Variants in GLG1 observed in about 807,000 individuals in gnomAD.
The protein encoded by GLG1 is golgi glycoprotein 1.
A neutral mutation model predicts 160.5 loss-of-function variants in GLG1; 38 were observed. The observed-to-expected ratio is 0.24, with a 90% confidence interval of 0.18 to 0.31. The LOEUF (loss-of-function observed/expected upper bound fraction) is 0.31, where lower values mean the gene tolerates loss of function less well. Among genes scored for constraint, GLG1 ranks in the 10% least tolerant of loss-of-function variants. GLG1 has a pLI of 1.00. For missense variants in GLG1, 1,373 were observed against 1,505.2 expected (o/e 0.91, Z 1.45); for synonymous variants, 644 against 543.4 (o/e 1.19, Z -2.57).
At chr16:74,562,941 T>C (rs1288275209) in intron 1 of GLG1, among the ~76,000 whole-genome samples, 1 of 152,248 alleles carries the variant, frequency 6.6e-6, no homozygotes. Flanking sequence ...GATATCACAA[T>C]GCAGGAGGGC....
intron 19 of GLG1, among the ~76,000 whole-genome samples, chr16:74,464,148 A>T (rs757937258): frequency 7.2e-5 from 11 of 152,160 alleles, no homozygotes; most frequent in Admixed American, 2.6e-4. Context: ...CTACTGCCTC[A>T]CTGGTTCTTA....
chr16:74,453,513 T>C (rs992467828), intron 25 of GLG1, among the ~76,000 whole-genome samples, 179 bp from the exon 26 acceptor site: 1 of 152,194 alleles, frequency 6.6e-6, no homozygotes, highest in Non-Finnish European at 1.5e-5. Context: ...CATAAAACTA[T>C]ACACACGTCT....
intron 3 of GLG1, among the ~76,000 whole-genome samples, chr16:74,508,581 C>A (rs1055706368): frequency 2.0e-5 from 3 of 152,144 alleles, no homozygotes; most frequent in African/African-American, 7.2e-5. Context: ...AGCACTGATA[C>A]CTCAGCACTT....
chr16:74,493,463 C>G (rs2016075499), intron 6 of GLG1, among the ~76,000 whole-genome samples: 1 of 152,206 alleles, frequency 6.6e-6, no homozygotes, highest in Non-Finnish European at 1.5e-5. Flanking sequence ...TCCACTTTAA[C>G]AATACCCCGA....
chr16:74,567,243 G>A (rs141696425), intron 1 of GLG1, among the ~76,000 whole-genome samples: 3 of 151,922 alleles, frequency 2.0e-5, no homozygotes, highest in African/African-American at 4.8e-5. Context: ...GACAGAGAGA[G>A]GAGTTAGCTG....
Position 74,540,018 on chromosome 16 carries a change from ATATATATTATATATATT to A in GLG1, c.439-7882_439-7866del, listed in dbSNP as rs2143644850. 5.5e-5 allele frequency among the ~76,000 whole-genome samples: 2 copies of A among 36,442 alleles called. 1 individual carries two copies. The highest frequency in any genetic ancestry group is 2.5e-4 in the African/African-American group (2 of 7,870). The allele number at this position is 36,442 out of a possible 152,430, so 23.9% of individuals were successfully genotyped here. A position where few individuals can be genotyped will look rare whatever the true frequency, so the allele number is the denominator to read the frequency against. On this transcript the variant is annotated intron_variant, in intron 1 of 25. Coordinates refer to ENST00000422840, the MANE Select transcript of GLG1 (RefSeq NM_001145667.2). Reference sequence around the variant, plus strand: ...TATTTTATATATATATATTTTATATATATATATTATATATATTTTATATATATATTATATATATTTTA... The same window carrying A: ...TATTTTATATATATATATTTTATATATTATATATATATTATATATATTTTA...
At chr16:74,456,014 G>A (rs1337757421) in intron 25 of GLG1, among the ~76,000 whole-genome samples, 2 of 152,180 alleles carry the variant, frequency 1.3e-5, no homozygotes, top group African/African-American at 4.8e-5. Flanking sequence ...ACACATTCAT[G>A]AGTGTCCTAC....
At chr16:74,480,613 G>C (rs1387007354) in intron 10 of GLG1, among the ~76,000 whole-genome samples, 1 of 151,426 alleles carries the variant, frequency 6.6e-6, no homozygotes, top group Non-Finnish European at 1.5e-5. Flanking sequence ...CTGGAGTGCA[G>C]TGGTGCTATC....
rs973022773 is a variant in GLG1, at chr16:74,498,590, C to A, written c.775-1946G>T. On this transcript the variant is annotated intron_variant, in intron 4 of 25. Transcript: ENST00000422840. Reference sequence around the variant, plus strand: ...ATATAATAAAAAGATTCTGGCCAGGCGTGGTGGCTCATGCCTGTAATCCCA... The same window carrying A: ...ATATAATAAAAAGATTCTGGCCAGGAGTGGTGGCTCATGCCTGTAATCCCA... 2.5e-4 allele frequency among the ~76,000 whole-genome samples: 37 copies of A among 146,530 alleles called. 1 individual carries two copies. Among genetic ancestry groups the A allele is most frequent in the African/African-American group, 9.3e-4 (37 of 39,880 alleles).
Position 74,529,489 on chromosome 16 carries a change from C to T in GLG1, c.471+2632G>A, listed in dbSNP as rs541102945. 8.7e-4 allele frequency among the ~76,000 whole-genome samples: 132 copies of T among 151,318 alleles called. 2 individuals are homozygous for T. The South Asian group carries it at 0.014, about 16-fold the overall frequency. The stretch of plus-strand genomic sequence containing the variant: ...TATTTATAGGAAAATATTTTATTTT[C>T]CTCTATTTTATTAGTTATTTGAAGT... On this transcript the variant is annotated intron_variant, in intron 2 of 25. Transcript: ENST00000422840.
intron 1 of GLG1, among the ~76,000 whole-genome samples, chr16:74,558,015 T>TA (rs1405757360): frequency 6.6e-6 from 1 of 152,156 alleles, no homozygotes; most frequent in Non-Finnish European, 1.5e-5. Context: ...GACACACACA[T>TA]AAGGAAAGCA....
intron 1 of GLG1, among the ~76,000 whole-genome samples, chr16:74,605,093 A>T (rs1958535011): frequency 6.6e-6 from 1 of 152,184 alleles, no homozygotes; most frequent in Non-Finnish European, 1.5e-5. Context: ...TGAAGAATAC[A>T]CATAGGTGTT....
chr16:74,474,813 A>G (rs1189250404), intron 12 of GLG1, among the ~76,000 whole-genome samples, 181 bp from the exon 13 acceptor site: 1 of 152,136 alleles, frequency 6.6e-6, no homozygotes, highest in African/African-American at 2.4e-5. Flanking sequence ...ATTGTTGAAA[A>G]GATAATTACT....
At chr16:74,474,134 A>C (rs1400343868) in intron 13 of GLG1, 1 of 158,830 alleles carries the variant, frequency 6.3e-6, no homozygotes, top group Non-Finnish European at 1.4e-5. Context: ...TTGTATTTTT[A>C]GTAGAGACGG....
intron 1 of GLG1, among the ~76,000 whole-genome samples, chr16:74,551,003 A>G (rs2018184393): frequency 6.6e-6 from 1 of 152,206 alleles, no homozygotes; most frequent in Admixed American, 6.5e-5. Flanking sequence ...GGAAATATTC[A>G]TGTTGAATCT....
intron 19 of GLG1, among the ~76,000 whole-genome samples, chr16:74,464,202 G>A (rs909143959): frequency 1.3e-5 from 2 of 152,104 alleles, no homozygotes; most frequent in African/African-American, 4.8e-5. Flanking sequence ...TAAGTTTAAT[G>A]GCATCTGAGG....
At chr16:74,521,559 T>TAG (rs1198369803) in intron 2 of GLG1, among the ~76,000 whole-genome samples, 1 of 151,842 alleles carries the variant, frequency 6.6e-6, no homozygotes, top group Non-Finnish European at 1.5e-5. Flanking sequence ...ACCAGAAGAA[T>TAG]AGAGGAGCCA....
In GLG1 at chr16:74,595,046, G is replaced by T. The variant is rs184559442; in HGVS notation, c.438+11611C>A. Among the ~76,000 whole-genome samples the T allele has an allele frequency of 4.0e-5, 6 of 151,626 alleles. No homozygotes were observed. In the East Asian group the frequency reaches 1.2e-3, roughly 29 times the overall value. On this transcript the variant is annotated intron_variant, in intron 1 of 25. Coordinates refer to ENST00000422840, the MANE Select transcript of GLG1 (RefSeq NM_001145667.2). ...TACTAAAAATACAAAAAATTAGCTC[G>T]GCGTGGTGGCAGACGCCTGTAGTCC...
chr16:74,572,499 T>G (rs1597359947), intron 1 of GLG1, among the ~76,000 whole-genome samples: 3 of 131,864 alleles, frequency 2.3e-5, no homozygotes, highest in East Asian at 2.2e-4. Flanking sequence ...GGAAACAGAG[T>G]GAGACTCTGT....
Sources: gnomAD v4.1 joint callset for allele counts (sites outside exome capture counted in the v4.1 genomes callset) on GRCh38, gnomAD v4.1.1 for gene constraint, MANE v1.5 for transcripts, NCBI Gene and HGNC (gene_info 2026-07-23, HGNC 2026-07-21) for gene names.